Variants in XPO6 observed in about 807,000 individuals in gnomAD.
The protein encoded by XPO6 is exportin 6, also known as exportin-6.
XPO6 carries 3 observed loss-of-function variants against 130.0 expected under a neutral mutation model. The observed-to-expected ratio is 0.02, with a 90% CI of 0.01 to 0.06. The LOEUF is 0.06. Among genes scored for constraint, XPO6 ranks in the 10% least tolerant of loss-of-function variants. The probability of loss-of-function intolerance (pLI) is 1.00; values close to 1 mark genes in which losing one functional copy is unlikely to be tolerated. For synonymous variants in XPO6, 524 were observed against 548.9 expected, an observed-to-expected ratio of 0.95 and a Z score of 0.63; for missense variants, 970 against 1,393.0, an observed-to-expected ratio of 0.70 and a Z score of 4.83.
intron 1 of XPO6, among the ~76,000 whole-genome samples, chr16:28,196,903 C>G (rs1164867624): frequency 6.6e-6 from 1 of 152,160 alleles, no homozygotes. Context: ...CAATCTTGAA[C>G]TTTTCAGCCA....
chr16:28,174,396 C>T (rs1250306136), intron 4 of XPO6, among the ~76,000 whole-genome samples: 2 of 152,164 alleles, frequency 1.3e-5, no homozygotes, highest in Non-Finnish European at 2.9e-5. Flanking sequence ...TCTCATCATA[C>T]TTATAAATAC....
intron 1 of XPO6, among the ~76,000 whole-genome samples, chr16:28,205,646 T>A (rs530584059): frequency 6.6e-6 from 1 of 152,164 alleles, no homozygotes; most frequent in African/African-American, 2.4e-5. Flanking sequence ...AATATTACCC[T>A]GGAAGTGTAA....
At chr16:28,192,574 A>C (rs913751195) in intron 1 of XPO6, among the ~76,000 whole-genome samples, 13 of 152,292 alleles carry the variant, frequency 8.5e-5, no homozygotes, top group African/African-American at 3.1e-4. Context: ...AAGGGTAAGC[A>C]GGGGAGAGAG....
intron 1 of XPO6, among the ~76,000 whole-genome samples, chr16:28,198,827 T>C (rs542774130): frequency 6.6e-6 from 1 of 152,070 alleles, no homozygotes; most frequent in East Asian, 1.9e-4. Context: ...AGTCTTACAT[T>C]ATCTCAAAAT....
rs1490523090 is a variant in XPO6, at chr16:28,098,401, C to CA, written c.*136dup. ...GCAGCGGCAAGATGTGGAGGAGCGG[C>CA]AGAGGCAGGCAGCGTTGCTTGCGGT... On this transcript the variant is annotated 3_prime_UTR_variant, in exon 24 of 24. Coordinates refer to ENST00000304658, the MANE Select transcript of XPO6 (RefSeq NM_015171.4). 1.4e-6 allele frequency: 1 copy of CA among 706,628 alleles called. No homozygotes were observed. The highest frequency in any genetic ancestry group is 2.4e-6 in the Non-Finnish European group (1 of 424,048). 43.8% of individuals were successfully genotyped at this position (706,628 alleles called of 1,614,324 possible).
intron 20 of XPO6, chr16:28,105,824 A>C: frequency 3.1e-6 from 2 of 636,492 alleles, no homozygotes; most frequent in Non-Finnish European, 2.5e-6. Context: ...ACCCTGTGGA[A>C]TAACTGCCAT....
chr16:28,103,379 T>A (rs1274022288), intron 21 of XPO6, among the ~76,000 whole-genome samples: 1 of 152,216 alleles, frequency 6.6e-6, no homozygotes, highest in African/African-American at 2.4e-5. Context: ...AGCCTGTTCA[T>A]CCATTCAGCT....
rs761923823 is a variant in XPO6, at chr16:28,106,454, T to C, written c.2541A>G (p.Arg847=). Residue 847 remains arginine (R), a synonymous_variant, in exon 19 of 24, where the codon CGA becomes CGG. Transcript: ENST00000304658. The surrounding 1 kb of genome is among the most constrained non-coding windows in gnomAD (Gnocchi z 4.2). The stretch of plus-strand genomic sequence containing the variant: ...GCACACCCATCTGTACTCTAAGGCC[T>C]CGAAACAGAGTGAGGAAGAAGCTCA... ...EMLSFFLTLF[R]GLRVQMGVPF... 6.8e-6 allele frequency: 11 copies of C among 1,614,020 alleles called. No homozygotes were observed. Among genetic ancestry groups the C allele is most frequent in the Non-Finnish European group, 8.5e-7 (1 of 1,180,034 alleles).
intron 1 of XPO6, among the ~76,000 whole-genome samples, chr16:28,199,434 C>G (rs1471557898): frequency 6.6e-6 from 1 of 152,024 alleles, no homozygotes; most frequent in East Asian, 1.9e-4. Flanking sequence ...ACCACCATGT[C>G]CAGCTAATTT....
chr16:28,203,087 G>A lies in XPO6; in HGVS notation c.3+8279C>T, dbSNP rs550519911. ...GCCCAGCAGCTCAAGGCCAGCAGGG[G>A]CAACATGGTGAAACCTCGTATCTAC... On this transcript the variant is annotated intron_variant, in intron 1 of 23. Transcript: ENST00000304658. Among the ~76,000 whole-genome samples the A allele has an allele frequency of 2.0e-5, 3 of 152,240 alleles. No homozygotes were observed. The South Asian group carries it at 6.2e-4, about 32-fold the overall frequency.
intron 1 of XPO6, among the ~76,000 whole-genome samples, chr16:28,207,259 AG>A (rs145644096): frequency 0.048 from 7,170 of 149,160 alleles, 477 homozygotes; most frequent in East Asian, 0.17. Flanking sequence ...AAAAAAAAAA[AG>A]GAAAGAAAGA....
intron 12 of XPO6, among the ~76,000 whole-genome samples, chr16:28,130,344 G>A (rs568228243): frequency 6.6e-6 from 1 of 152,328 alleles, no homozygotes; most frequent in East Asian, 1.9e-4. Context: ...GAAAGTAAAT[G>A]CAAATGAAGG....
rs60754642 is a variant in XPO6 at position 28,186,374 on chromosome 16, C to CTTT, written c.4-5346_4-5344dup. Among the ~76,000 whole-genome samples, 58 of 81,420 alleles carry CTTT rather than the reference C, an allele frequency of 7.1e-4. 13 individuals are homozygous for CTTT. The highest frequency in any genetic ancestry group is 1.6e-3 in the African/African-American group (25 of 15,258). The allele number at this position is 81,420 out of a possible 152,430, so 53.4% of individuals were successfully genotyped here. A position where few individuals can be genotyped will look rare whatever the true frequency, so the allele number is the denominator to read the frequency against. ...TATAGATTTTTCTGCCCCAGTTATTCTTTTTTTTTTTTTTTTTGCTAAAGA... is the reference window on the plus strand; with the variant it reads ...TATAGATTTTTCTGCCCCAGTTATTCTTTTTTTTTTTTTTTTTTTTGCTAAAGA... On this transcript the variant is annotated intron_variant, in intron 1 of 23. Transcript: ENST00000304658.
At chr16:28,127,089 C>T (rs1415947699) in intron 12 of XPO6, among the ~76,000 whole-genome samples, 1 of 152,226 alleles carries the variant, frequency 6.6e-6, no homozygotes, top group African/African-American at 2.4e-5. Flanking sequence ...TGGAGGCTCT[C>T]TCCTGCTAAA....
At chr16:28,193,049 A>T (rs2141892915) in intron 1 of XPO6, among the ~76,000 whole-genome samples, 1 of 152,238 alleles carries the variant, frequency 6.6e-6, no homozygotes, top group Non-Finnish European at 1.5e-5. Context: ...CCTCACTGTA[A>T]GTTCTTCTTA....
intron 2 of XPO6, among the ~76,000 whole-genome samples, chr16:28,178,682 G>A (rs539066036): frequency 6.6e-5 from 10 of 151,598 alleles, no homozygotes; most frequent in Admixed American, 6.6e-5. Flanking sequence ...CCAGGAGGCC[G>A]AGGTTGCAAT....
chr16:28,185,587 G>A (rs1035212364), intron 1 of XPO6, among the ~76,000 whole-genome samples: 1 of 152,078 alleles, frequency 6.6e-6, no homozygotes, highest in African/African-American at 2.4e-5. Flanking sequence ...TAAAGTCCAG[G>A]TTGGTGTTAT....
chr16:28,135,974 A>C (rs1478234902), intron 9 of XPO6, among the ~76,000 whole-genome samples: 4 of 152,158 alleles, frequency 2.6e-5, no homozygotes, highest in African/African-American at 7.2e-5. Flanking sequence ...TTTTCAAGTT[A>C]TGATCTTAGC....
At chr16:28,146,035 G>C (rs2042976577) in intron 9 of XPO6, 59 bp downstream of exon 9, 6 of 1,344,886 alleles carry the variant, frequency 4.5e-6, no homozygotes, top group Non-Finnish European at 5.3e-6. Flanking sequence ...CTGTCTCTTA[G>C]GCCACTAGAA....
Sources: gnomAD v4.1 joint callset for allele counts (sites outside exome capture counted in the v4.1 genomes callset) on GRCh38, gnomAD v4.1.1 for gene constraint, Gnocchi (gnomAD v3.1) non-coding constraint, MANE v1.5 for transcripts, NCBI Gene and HGNC (gene_info 2026-07-23, HGNC 2026-07-21) for gene names.